The following DLG2 variants were observed in gnomAD, a reference collection of about 807,000 sequenced individuals.
DLG2 encodes the protein disks large homolog 2.
DLG2 carries 45 observed loss-of-function variants against 132.5 expected under a neutral mutation model. That is an observed-to-expected ratio of 0.34 (90% CI 0.27 to 0.44). The LOEUF (loss-of-function observed/expected upper bound fraction) is 0.44, where lower values mean the gene tolerates loss of function less well. DLG2 is among the 20% of genes least tolerant of loss of function. The pLI is 1.00. For synonymous variants in DLG2, 424 were observed against 419.6 expected (o/e 1.01, Z -0.13); for missense variants, 1,045 against 1,196.9 (o/e 0.87, Z 1.87).
At chr11:84,673,958 T>G (rs2099708740) in intron 6 of DLG2, among the ~76,000 whole-genome samples, 2 of 152,156 alleles carry the variant, frequency 1.3e-5, no homozygotes, top group African/African-American at 4.8e-5. Flanking sequence ...TCATATGCTT[T>G]CAGACTTAAT....
intron 8 of DLG2, among the ~76,000 whole-genome samples, chr11:84,185,316 T>G (rs2096252684): frequency 6.6e-6 from 1 of 152,160 alleles, no homozygotes; most frequent in South Asian, 2.1e-4. Flanking sequence ...CCTAGGTATT[T>G]TATTCTCTTT....
At chr11:85,528,518 A>T (rs73499163) in intron 3 of DLG2, among the ~76,000 whole-genome samples, 26,879 of 152,192 alleles carry the variant, frequency 0.18, 2,636 homozygotes, top group East Asian at 0.28. Context: ...GCAGTAGGAA[A>T]TCTCATACAC....
intron 3 of DLG2, among the ~76,000 whole-genome samples, chr11:85,481,747 C>T (rs981834496): frequency 6.6e-6 from 1 of 151,928 alleles, no homozygotes; most frequent in Non-Finnish European, 1.5e-5. Context: ...TCAGGCCTGC[C>T]CCAGTACCAG....
intron 19 of DLG2, among the ~76,000 whole-genome samples, chr11:83,544,441 T>C (rs2096179800): frequency 6.6e-6 from 1 of 151,744 alleles, no homozygotes; most frequent in East Asian, 1.9e-4. Flanking sequence ...TCCTCCCCAC[T>C]TTTTTTTGTT....
At chr11:84,944,114 T>G (rs1347868132) in intron 6 of DLG2, among the ~76,000 whole-genome samples, 1 of 152,188 alleles carries the variant, frequency 6.6e-6, no homozygotes, top group Non-Finnish European at 1.5e-5. Context: ...GAAGCTCCTT[T>G]GTATGTTATT....
chr11:83,998,910 G>T (rs2094189679), intron 11 of DLG2, among the ~76,000 whole-genome samples: 2 of 152,158 alleles, frequency 1.3e-5, no homozygotes, highest in South Asian at 4.1e-4. Flanking sequence ...GCTCAGGCAT[G>T]TAGTTCCTGA....
intron 21 of DLG2, among the ~76,000 whole-genome samples, chr11:83,507,523 T>C (rs1382482953): frequency 4.1e-5 from 6 of 146,064 alleles, no homozygotes; most frequent in Non-Finnish European, 4.5e-5. Flanking sequence ...TATATATCCA[T>C]ATATATATCC....
At chr11:84,606,482 T>G (rs934333392) in intron 6 of DLG2, among the ~76,000 whole-genome samples, 4 of 152,260 alleles carry the variant, frequency 2.6e-5, no homozygotes, top group African/African-American at 9.6e-5. Flanking sequence ...TTTCTAAATT[T>G]TCTATATTAA....
At chr11:84,258,543 T>G (rs2097509940) in intron 7 of DLG2, among the ~76,000 whole-genome samples, 1 of 152,056 alleles carries the variant, frequency 6.6e-6, no homozygotes, top group African/African-American at 2.4e-5. Context: ...TTTTACAATG[T>G]TCTAAGGAAA....
chr11:84,856,675 A>C (rs1032883661), intron 6 of DLG2, among the ~76,000 whole-genome samples: 2 of 152,054 alleles, frequency 1.3e-5, no homozygotes, highest in African/African-American at 4.8e-5. Context: ...TTCTAAATTG[A>C]AAATCAGATC....
intron 4 of DLG2, among the ~76,000 whole-genome samples, chr11:85,233,688 G>T (rs1368548187): frequency 6.6e-6 from 1 of 150,820 alleles, no homozygotes; most frequent in South Asian, 2.1e-4. Context: ...TTCTACTCTG[G>T]ATCCTTAATT....
chr11:84,200,410 G>A (rs1341753847), intron 8 of DLG2, among the ~76,000 whole-genome samples: 2 of 152,050 alleles, frequency 1.3e-5, no homozygotes, highest in African/African-American at 4.8e-5. Context: ...GTAGAGACTA[G>A]GTTTCACTAT....
intron 4 of DLG2, among the ~76,000 whole-genome samples, chr11:85,236,610 C>T (rs1216480696): frequency 2.2e-4 from 34 of 151,970 alleles, no homozygotes; most frequent in Admixed American, 2.2e-3. Context: ...CTTCAACATA[C>T]GAATTTCAGG....
intron 19 of DLG2, among the ~76,000 whole-genome samples, chr11:83,613,098 GC>G: frequency 6.6e-6 from 1 of 152,326 alleles, no homozygotes; most frequent in African/African-American, 2.4e-5. Flanking sequence ...GATAGGCTAA[GC>G]CTAAGTCAGG....
intron 7 of DLG2, among the ~76,000 whole-genome samples, chr11:84,264,522 A>C (rs1361770027): frequency 6.6e-6 from 1 of 152,134 alleles, no homozygotes; most frequent in Non-Finnish European, 1.5e-5. Context: ...AACAAGAAAA[A>C]AGAATGAAAG....
intron 7 of DLG2, among the ~76,000 whole-genome samples, chr11:84,450,000 A>G (rs1244358661): frequency 6.6e-6 from 1 of 151,884 alleles, no homozygotes. Flanking sequence ...CATCTTATGT[A>G]TATCATACTT....
intron 6 of DLG2, among the ~76,000 whole-genome samples, chr11:84,831,332 C>T (rs899126042): frequency 1.3e-5 from 2 of 151,508 alleles, no homozygotes; most frequent in African/African-American, 4.8e-5. Context: ...CTTATCTACT[C>T]ACCCCCTCCT....
At chr11:84,899,749 C>CTG (rs1223469778) in intron 6 of DLG2, among the ~76,000 whole-genome samples, 1 of 152,082 alleles carries the variant, frequency 6.6e-6, no homozygotes, top group Non-Finnish European at 1.5e-5. Flanking sequence ...AAAGAATTGT[C>CTG]TGTGTGTGCT....
chr11:85,375,758 T>C (rs1235332723), intron 3 of DLG2, among the ~76,000 whole-genome samples: 2 of 152,206 alleles, frequency 1.3e-5, no homozygotes, highest in Admixed American at 6.5e-5. Context: ...AAGCATTTGA[T>C]AATGATTTTT....
Sources: gnomAD v4.1 joint callset for allele counts (sites outside exome capture counted in the v4.1 genomes callset) on GRCh38, gnomAD v4.1.1 for gene constraint, MANE v1.5 for transcripts, NCBI Gene and HGNC (gene_info 2026-07-23, HGNC 2026-07-21) for gene names.